Variants in NFATC1 observed in about 807,000 individuals in gnomAD.
The protein encoded by NFATC1 is nuclear factor of activated T cells 1.
Under a neutral mutation model 76.0 loss-of-function variants are expected in NFATC1, and 22 were observed. The observed-to-expected ratio is 0.29, with a 90% CI of 0.21 to 0.41. The LOEUF is 0.41. NFATC1 is among the 10% of genes least tolerant of loss of function. The pLI is 1.00. For synonymous variants in NFATC1, 704 were observed against 613.1 expected (o/e 1.15, Z -2.19); for missense variants, 1,357 against 1,337.7 (o/e 1.01, Z -0.23).
chr18:79,424,689 C>T (rs1027450950), intron 2 of NFATC1, among the ~76,000 whole-genome samples: 2 of 150,274 alleles, frequency 1.3e-5, no homozygotes, highest in African/African-American at 4.9e-5. Flanking sequence ...GTCCCTGTCT[C>T]TGTCTCTCTG....
At chr18:79,502,300 C>CA (rs1168591357) in intron 9 of NFATC1, among the ~76,000 whole-genome samples, 2 of 152,044 alleles carry the variant, frequency 1.3e-5, no homozygotes, top group South Asian at 4.1e-4. Flanking sequence ...TTGCCACATG[C>CA]AAAAAAACAC....
intron 2 of NFATC1, among the ~76,000 whole-genome samples, chr18:79,430,486 A>G (rs1568952380): frequency 6.6e-6 from 1 of 152,110 alleles, no homozygotes; most frequent in Non-Finnish European, 1.5e-5. Context: ...AGGTTCAAGC[A>G]ATTCTCCTGC....
intron 8 of NFATC1, among the ~76,000 whole-genome samples, chr18:79,478,119 C>G (rs1415037857): frequency 8.7e-6 from 1 of 114,438 alleles, no homozygotes; most frequent in East Asian, 2.8e-4. Flanking sequence ...GCCCCCAGGC[C>G]CCCCCCCGCC....
intron 9 of NFATC1, chr18:79,495,962 C>T (rs892855710): frequency 1.4e-5 from 2 of 143,316 alleles, no homozygotes; most frequent in South Asian, 2.3e-4. Flanking sequence ...AGTAGTAAGG[C>T]GTCCGCAAGT....
chr18:79,401,262 C>G (rs1199858883), intron 1 of NFATC1, among the ~76,000 whole-genome samples: 11 of 151,928 alleles, frequency 7.2e-5, no homozygotes, highest in Non-Finnish European at 1.6e-4. Context: ...TCTGCCCTCC[C>G]CGCGCGGAGG....
At chr18:79,487,517 T>C (rs966664581) in intron 9 of NFATC1, among the ~76,000 whole-genome samples, 2 of 152,226 alleles carry the variant, frequency 1.3e-5, no homozygotes, top group Non-Finnish European at 2.9e-5. Context: ...CTTCCCCATC[T>C]AGCCCCTGGG....
At chr18:79,456,612 A>G (rs1391450209) in intron 6 of NFATC1, among the ~76,000 whole-genome samples, 1 of 151,070 alleles carries the variant, frequency 6.6e-6, no homozygotes, top group Non-Finnish European at 1.5e-5. Context: ...GGGCCCCTGT[A>G]AGGCAGACTA....
Position 79,411,110 on chromosome 18 carries a change from C to T in NFATC1, c.835C>T (p.Pro279Ser). ...SLNGRQPPYS[P>S]HHSPTPSPHG... ...CAACGGCCGGCAGCCGCCCTACTCACCCCACCACTCGCCCACGCCGTCCCC... is the reference window on the plus strand; with the variant it reads ...CAACGGCCGGCAGCCGCCCTACTCATCCCACCACTCGCCCACGCCGTCCCC... Residue 279 changes from proline to serine, a missense_variant, in exon 2 of 10, where the codon CCC (proline) becomes TCC (serine). Physicochemically the swap from Pro to Ser is moderately conservative, Grantham distance 74. This residue lies in a region of NFATC1 where 691 missense variants were observed against 613.1 expected (regional missense o/e 1.13). Transcript: ENST00000427363. The T allele has an allele frequency of 6.2e-7, 1 of 1,612,338 alleles. No homozygotes were observed. The highest frequency in any genetic ancestry group is 8.5e-7 in the Non-Finnish European group (1 of 1,179,728).
chr18:79,486,743 C>T lies in NFATC1; in HGVS notation c.2588C>T (p.Pro863Leu), dbSNP rs2089511357. ...PATQEPTCLQ[P>L]CSPACPPATG... is the part of the protein sequence containing the mutation. ...ACCCAAGAGCCGACCTGCCTGCAGC[C>T]CTGCAGCCCAGCGTGCCCGCCCGCC... The change falls in exon 9 of 10, where the codon CCC (proline) becomes CTC (leucine). Residue 863 changes from proline (P) to leucine (L), a missense_variant. Around this residue, in one of 3 missense-constraint regions of NFATC1, gnomAD observed 424 missense variants for 395.4 expected, o/e 1.07. Coordinates refer to ENST00000427363, the MANE Select transcript of NFATC1 (RefSeq NM_001278669.2). 1 of 1,601,632 alleles carries T rather than the reference C, an allele frequency of 6.2e-7. No individual in the cohort carries two copies. The highest frequency in any genetic ancestry group is 8.5e-7 in the Non-Finnish European group (1 of 1,175,718).
At chr18:79,400,135 G>C in intron 1 of NFATC1, 3 of 955,334 alleles carry the variant, frequency 3.1e-6, no homozygotes, top group Non-Finnish European at 1.3e-6. Flanking sequence ...TCGCGCGCGC[G>C]CGAGGGGGCG....
At chr18:79,502,146 G>C (rs1372536559) in intron 9 of NFATC1, among the ~76,000 whole-genome samples, 1 of 152,196 alleles carries the variant, frequency 6.6e-6, no homozygotes, top group Non-Finnish European at 1.5e-5. Flanking sequence ...TGTGGTATTG[G>C]CATAGGACAC....
chr18:79,400,262 C>T (rs1164107196), intron 1 of NFATC1: 1 of 1,009,264 alleles, frequency 9.9e-7, no homozygotes, highest in Non-Finnish European at 1.2e-6. Flanking sequence ...CCCCGGGGGG[C>T]GGGGGCGGGG....
rs202039486 is a variant in NFATC1, at chr18:79,486,440, C to G, written c.2285C>G (p.Pro762Arg). 2.0e-5 allele frequency: 33 copies of G among 1,612,134 alleles called. No homozygotes were observed. In the African/African-American group the frequency reaches 4.4e-4, roughly 21 times the overall value. Residue 762 changes from proline to arginine, a missense_variant, in exon 9 of 10, where the codon CCT (proline) becomes CGT (arginine). Pro to Arg is a moderately radical substitution (Grantham distance 103, BLOSUM62 -2). Coordinates refer to ENST00000427363, the MANE Select transcript of NFATC1 (RefSeq NM_001278669.2). ...AGAAGCACCCTGATGCCAGCGGCCCCTGGCGTGAGCCCCAAGCTCCACGAC... is the reference window on the plus strand; with the variant it reads ...AGAAGCACCCTGATGCCAGCGGCCCGTGGCGTGAGCCCCAAGCTCCACGAC... ...PQRSTLMPAAPGVSPKLHDLS... is the reference protein window; with the variant it reads ...PQRSTLMPAARGVSPKLHDLS...
intron 3 of NFATC1, among the ~76,000 whole-genome samples, chr18:79,439,705 G>T (rs1014739232): frequency 1.3e-5 from 2 of 152,238 alleles, no homozygotes; most frequent in African/African-American, 4.8e-5. Context: ...AGAACTCTCA[G>T]AAGTGCAGTG....
chr18:79,518,491 C>T (rs1431868865), intron 9 of NFATC1, among the ~76,000 whole-genome samples: 4 of 152,198 alleles, frequency 2.6e-5, no homozygotes, highest in African/African-American at 9.6e-5. Context: ...CAGGAAGTGC[C>T]TGGCACCCCC....
At chr18:79,427,290 C>G (rs2086375348) in intron 2 of NFATC1, among the ~76,000 whole-genome samples, 1 of 152,124 alleles carries the variant, frequency 6.6e-6, no homozygotes, top group African/African-American at 2.4e-5. Flanking sequence ...GAAGGGGGAC[C>G]AGTATATGCC....
intron 9 of NFATC1, among the ~76,000 whole-genome samples, chr18:79,517,967 G>A (rs1355560311): frequency 2.0e-5 from 3 of 152,212 alleles, no homozygotes; most frequent in Admixed American, 6.5e-5. Context: ...TTGGGTTAGC[G>A]TGGCTGAACC....
chr18:79,458,906 C>G (rs11663401), intron 6 of NFATC1, among the ~76,000 whole-genome samples: 35,845 of 152,186 alleles, frequency 0.24, 5,163 homozygotes, highest in African/African-American at 0.39. Context: ...ATAGACATTT[C>G]TGGCCGTGAA....
rs867319103 is a variant in NFATC1, at chr18:79,467,305, G to A, written c.1960-145G>A. On this transcript the variant is annotated intron_variant, in intron 7 of 9. Coordinates refer to ENST00000427363, the MANE Select transcript of NFATC1 (RefSeq NM_001278669.2). The stretch of plus-strand genomic sequence containing the variant: ...GGCAGTCCTGTGCTGCCGTGGAAAC[G>A]CGGGGTTGCCGTGTGGCCGCCGTGG... The A allele has an allele frequency of 8.1e-5, 59 of 729,534 alleles. No individual in the cohort carries two copies. In the Middle Eastern group the frequency reaches 1.6e-3, roughly 20 times the overall value. 45.2% of individuals were successfully genotyped at this position (729,534 alleles called of 1,614,324 possible).
Sources: allele counts gnomAD v4.1 joint callset (sites outside exome capture counted in the v4.1 genomes callset), GRCh38; gene constraint gnomAD v4.1.1; regional missense constraint gnomAD v4.1.1; transcripts MANE v1.5; gene names NCBI Gene and HGNC (gene_info 2026-07-23, HGNC 2026-07-21).